PHACTR3: variants seen among roughly 807,000 people sequenced by gnomAD.
PHACTR3 encodes the protein phosphatase and actin regulator 3.
A neutral mutation model predicts 66.8 loss-of-function variants in PHACTR3; 16 were observed. That is an observed-to-expected ratio of 0.24 (90% CI 0.16 to 0.36). The LOEUF (loss-of-function observed/expected upper bound fraction) is 0.36, where lower values mean the gene tolerates loss of function less well. Among genes scored for constraint, PHACTR3 ranks in the 10% least tolerant of loss-of-function variants. The pLI is 1.00. For synonymous variants in PHACTR3, 323 were observed against 292.1 expected (o/e 1.11, Z -1.08); for missense variants, 647 against 719.9 (o/e 0.90, Z 1.16).
intron 1 of PHACTR3, among the ~76,000 whole-genome samples, chr20:59,706,465 ACTGTGACCCCAT>A (rs1391542688): frequency 6.6e-6 from 1 of 152,194 alleles, no homozygotes; most frequent in African/African-American, 2.4e-5. Flanking sequence ...GACACATGGC[ACTGTGACCCCAT>A]CTAGGTGGTT....
intron 7 of PHACTR3, among the ~76,000 whole-genome samples, chr20:59,781,318 T>C (rs951233979): frequency 6.6e-6 from 1 of 152,142 alleles, no homozygotes; most frequent in African/African-American, 2.4e-5. Flanking sequence ...GAAACAAGCC[T>C]CAAGAAGGCC....
chr20:59,784,810 G>A (rs1328718552), intron 7 of PHACTR3, among the ~76,000 whole-genome samples: 1 of 152,222 alleles, frequency 6.6e-6, no homozygotes, highest in Non-Finnish European at 1.5e-5. Flanking sequence ...TTATAGGGCT[G>A]CGGGGAGATG....
intron 1 of PHACTR3, among the ~76,000 whole-genome samples, chr20:59,655,847 A>C (rs2035604469): frequency 6.6e-6 from 1 of 151,368 alleles, no homozygotes; most frequent in South Asian, 2.1e-4. Flanking sequence ...TTGTTTCTTC[A>C]TTTTCATTCA....
intron 1 of PHACTR3, among the ~76,000 whole-genome samples, chr20:59,730,244 A>G (rs2038716115): frequency 6.6e-6 from 1 of 152,168 alleles, no homozygotes; most frequent in African/African-American, 2.4e-5. Context: ...AATAACAGGA[A>G]ACCTAACAGG....
intron 1 of PHACTR3, among the ~76,000 whole-genome samples, chr20:59,695,390 T>C (rs1418049456): frequency 1.3e-5 from 2 of 152,158 alleles, no homozygotes; most frequent in African/African-American, 4.8e-5. Context: ...TCCGGCTATG[T>C]CTTGTGAGAT....
rs571587984 is a variant in PHACTR3, at chr20:59,812,827, A to G, written c.1328+6633A>G. Among the ~76,000 whole-genome samples, 232 of 152,312 alleles carry G rather than the reference A, an allele frequency of 1.5e-3. 1 individual carries two copies. Among genetic ancestry groups the G allele is most frequent in the African/African-American group, 5.4e-3 (225 of 41,578 alleles). Reference sequence around the variant, plus strand: ...GTCTGCCGTGACGCTGGGCAGGTGCAGTGCTGATTGCCTGTGATGCCGAGC... The same window carrying G: ...GTCTGCCGTGACGCTGGGCAGGTGCGGTGCTGATTGCCTGTGATGCCGAGC... On this transcript the variant is annotated intron_variant, in intron 8 of 12. Coordinates refer to ENST00000371015, the MANE Select transcript of PHACTR3 (RefSeq NM_080672.5).
rs1185120333 is a variant in PHACTR3, at chr20:59,638,051, C to A, written c.118+32919C>A. Among the ~76,000 whole-genome samples, 5 of 152,150 alleles carry A rather than the reference C, an allele frequency of 3.3e-5. No homozygotes were observed. The East Asian group carries it at 9.6e-4, about 29-fold the overall frequency. ...TGAATCCAGGCTGTTTTGCTGCTGG[C>A]CCCAAGGTCTTAGCCCCAGTGCATA... On this transcript the variant is annotated intron_variant, in intron 1 of 12. Transcript: ENST00000371015.
intron 1 of PHACTR3, among the ~76,000 whole-genome samples, chr20:59,706,962 C>T (rs2037727132): frequency 6.6e-6 from 1 of 152,184 alleles, no homozygotes; most frequent in Non-Finnish European, 1.5e-5. Context: ...CTAGAAATGT[C>T]TTATTGTTTT....
chr20:59,687,848 C>T (rs2036958741), intron 1 of PHACTR3, among the ~76,000 whole-genome samples: 1 of 152,108 alleles, frequency 6.6e-6, no homozygotes, highest in South Asian at 2.1e-4. Context: ...ATGAAAATCA[C>T]ATCACATGGG....
rs1019998001 is a variant in PHACTR3 at position 59,763,446 on chromosome 20, C to G, written c.542-3740C>G. ...ACAGCTTCTAGAATAGTGCCTGGAA[C>G]CCATGGTTGTTCAATAACATTTGCA... is the stretch of plus-strand genomic sequence containing the variant. On this transcript the variant is annotated intron_variant, in intron 4 of 12. Transcript: ENST00000371015. Among the ~76,000 whole-genome samples the G allele has an allele frequency of 2.6e-5, 4 of 152,158 alleles. No homozygotes were observed. In the South Asian group the frequency reaches 6.2e-4, roughly 24 times the overall value.
chr20:59,767,989 G>C (rs1200222236), intron 5 of PHACTR3, among the ~76,000 whole-genome samples: 3 of 151,978 alleles, frequency 2.0e-5, no homozygotes, highest in Non-Finnish European at 2.9e-5. Flanking sequence ...TCTCTCTGCT[G>C]GTCTCTGTTT....
At chr20:59,704,404 G>C (rs1288050680) in intron 1 of PHACTR3, among the ~76,000 whole-genome samples, 2 of 152,176 alleles carry the variant, frequency 1.3e-5, no homozygotes, top group Middle Eastern at 3.4e-3. Context: ...ATCACCAAGA[G>C]AAAGCAACCT....
intron 1 of PHACTR3, among the ~76,000 whole-genome samples, chr20:59,684,702 T>C (rs918612459): frequency 6.6e-6 from 1 of 152,218 alleles, no homozygotes; most frequent in South Asian, 2.1e-4. Flanking sequence ...AAGCGCCTGA[T>C]GCCTTCCCTG....
chr20:59,584,709 C>A (rs948710571), intron 1 of PHACTR3, among the ~76,000 whole-genome samples: 2 of 152,164 alleles, frequency 1.3e-5, no homozygotes, highest in African/African-American at 4.8e-5. Flanking sequence ...ACCTTCACTC[C>A]CCGGCCTTCA....
chr20:59,761,791 G>T (rs535052160), intron 4 of PHACTR3, among the ~76,000 whole-genome samples: 2 of 152,276 alleles, frequency 1.3e-5, no homozygotes, highest in South Asian at 4.2e-4. Flanking sequence ...TGAGCTTCAG[G>T]TATTTCCATT....
At chr20:59,638,512 GGGTGGATGGATTGATGGATGATT>G in intron 1 of PHACTR3, among the ~76,000 whole-genome samples, 1 of 140,558 alleles carries the variant, frequency 7.1e-6, no homozygotes, top group Middle Eastern at 4.0e-3. Context: ...ATTGGTAGAT[GGGTGGATGGATTGATGGATGATT>G]GCTAGGTAGA....
intron 1 of PHACTR3, among the ~76,000 whole-genome samples, chr20:59,734,140 C>T (rs1302621149): frequency 6.6e-6 from 1 of 152,198 alleles, no homozygotes; most frequent in East Asian, 1.9e-4. Context: ...TATGTCAACT[C>T]TGTTCCATAG....
In PHACTR3 at chr20:59,692,430, G is replaced by T. The variant is rs1231024905; in HGVS notation, c.119-50677G>T. 2.0e-5 allele frequency among the ~76,000 whole-genome samples: 3 copies of T among 152,206 alleles called. No homozygotes were observed. In the East Asian group the frequency reaches 5.8e-4, roughly 29 times the overall value. ...ATGATTTTGACTGTCGCTTGCCAGG[G>T]GCCTGGGCTTGTGGTTTGGTTGTGA... On this transcript the variant is annotated intron_variant, in intron 1 of 12. Transcript: ENST00000371015.
intron 7 of PHACTR3, among the ~76,000 whole-genome samples, chr20:59,804,974 C>A (rs189461829): frequency 2.0e-5 from 3 of 152,158 alleles, no homozygotes; most frequent in Admixed American, 6.5e-5. Flanking sequence ...AATTAAATCC[C>A]GGCCCAAAAA....
Sources: gnomAD v4.1 joint callset for allele counts (sites outside exome capture counted in the v4.1 genomes callset) on GRCh38, gnomAD v4.1.1 for gene constraint, MANE v1.5 for transcripts, NCBI Gene and HGNC (gene_info 2026-07-23, HGNC 2026-07-21) for gene names.